Variants in KNL1 observed in about 807,000 individuals in gnomAD.
KNL1 encodes the protein outer kinetochore KNL1 complex subunit KNL1.
In KNL1, 66 loss-of-function variants were observed where a neutral mutation model predicts 201.3. The ratio of observed to expected loss-of-function variants is 0.33; its 90% CI spans 0.27 to 0.40. The LOEUF (loss-of-function observed/expected upper bound fraction) is 0.40, where lower values mean the gene tolerates loss of function less well. Ranked by LOEUF, KNL1 falls within the 10% of genes least tolerant of loss-of-function variation. KNL1 has a pLI of 1.00. For synonymous variants in KNL1, 895 were observed against 899.2 expected (o/e 1.00, Z 0.08); for missense variants, 2,815 against 2,690.5 (o/e 1.05, Z -1.02).
intron 21 of KNL1, among the ~76,000 whole-genome samples, chr15:40,654,454 A>G (rs867156613): frequency 1.3e-5 from 2 of 152,072 alleles, no homozygotes; most frequent in South Asian, 2.1e-4. Flanking sequence ...AGCCTTTACT[A>G]GATACAGAGA....
intron 9 of KNL1, among the ~76,000 whole-genome samples, chr15:40,619,479 G>A (rs572344819): frequency 1.3e-5 from 2 of 151,752 alleles, no homozygotes; most frequent in South Asian, 4.2e-4. Flanking sequence ...TTGGCTCATT[G>A]CAGCCTCAAT....
chr15:40,657,539 C>A (rs374799627), intron 24 of KNL1, 66 bp downstream of exon 24: 7 of 802,964 alleles, frequency 8.7e-6, no homozygotes, highest in Non-Finnish European at 1.3e-5. Flanking sequence ...TTAACAGGTT[C>A]TGGAGGCTGG....
chr15:40,631,692 A>G (rs184860917), intron 13 of KNL1, among the ~76,000 whole-genome samples: 1 of 152,244 alleles, frequency 6.6e-6, no homozygotes, highest in African/African-American at 2.4e-5. Flanking sequence ...AGCTAATGAA[A>G]TAGAAAACAA....
chr15:40,598,034 G>T (rs1324808150), intron 1 of KNL1, among the ~76,000 whole-genome samples: 1 of 152,050 alleles, frequency 6.6e-6, no homozygotes, highest in Non-Finnish European at 1.5e-5. Context: ...GCTGGGCGTG[G>T]TGGCAGGCGC....
chr15:40,658,034 GAGGTGGGC>G (rs2141768090), intron 24 of KNL1, among the ~76,000 whole-genome samples: 1 of 152,178 alleles, frequency 6.6e-6, no homozygotes, highest in Non-Finnish European at 1.5e-5. Context: ...TTGGGAGGCC[GAGGTGGGC>G]GAATCACAAG....
In KNL1 at chr15:40,652,102, G is replaced by A. The variant is rs1893583468; in HGVS notation, c.6412G>A (p.Val2138Ile). ...ACTCACCATCACCTTTGAAGAGTCA[G>A]TTGGTAAGGAGCCAAAGTGAGATAA... ...IQLTITFEESVVGFPFLDKRY... is the reference protein window; with the variant it reads ...IQLTITFEESIVGFPFLDKRY... Residue 2138 changes from valine (V) to isoleucine (I), a missense_variant, in exon 21 of 26, where the codon GTT becomes ATT. Coordinates refer to ENST00000399668, the MANE Select transcript of KNL1 (RefSeq NM_144508.5). The A allele has an allele frequency of 1.9e-6, 3 of 1,606,110 alleles. No individual in the cohort carries two copies. The South Asian group carries it at 3.3e-5, about 18-fold the overall frequency.
intron 8 of KNL1, among the ~76,000 whole-genome samples, chr15:40,618,556 C>A (rs549666879): frequency 1.5e-4 from 23 of 152,144 alleles, no homozygotes; most frequent in African/African-American, 5.3e-4. Context: ...TCCAAACTTT[C>A]CATCTTTAAA....
intron 1 of KNL1, among the ~76,000 whole-genome samples, chr15:40,598,588 C>CA (rs200043989): frequency 7.1e-4 from 106 of 149,704 alleles, no homozygotes; most frequent in Non-Finnish European, 6.5e-4. Flanking sequence ...TCCGGCCCCC[C>CA]AAAAAAAACA....
chr15:40,602,358 G>T (rs1178464718), intron 1 of KNL1, among the ~76,000 whole-genome samples: 1 of 143,652 alleles, frequency 7.0e-6, no homozygotes, highest in South Asian at 2.2e-4. Flanking sequence ...GGATGGTCTC[G>T]ATCTCCTGAC....
chr15:40,618,151 CT>C (rs1892405131), intron 8 of KNL1, among the ~76,000 whole-genome samples: 1 of 151,554 alleles, frequency 6.6e-6, no homozygotes, highest in South Asian at 2.1e-4. Context: ...GAATCCCTTC[CT>C]TATTTACAAA....
intron 21 of KNL1, among the ~76,000 whole-genome samples, chr15:40,654,485 C>A (rs1893660673): frequency 6.6e-6 from 1 of 151,462 alleles, no homozygotes; most frequent in African/African-American, 2.4e-5. Flanking sequence ...AAGGATAACC[C>A]TTCAACTTCC....
chr15:40,636,772 AT>A (rs1230008723), intron 13 of KNL1, among the ~76,000 whole-genome samples: 1 of 152,150 alleles, frequency 6.6e-6, no homozygotes, highest in African/African-American at 2.4e-5. Context: ...TGGAGGCTGC[AT>A]GAGCTGACAT....
intron 5 of KNL1, among the ~76,000 whole-genome samples, chr15:40,610,026 G>A (rs1173402371): frequency 1.3e-5 from 2 of 152,090 alleles, no homozygotes; most frequent in Non-Finnish European, 2.9e-5. Flanking sequence ...GCAACAAAGC[G>A]AGACCCTGTT....
At chr15:40,645,602 C>T (rs1031711996) in intron 15 of KNL1, 54 bp from the exon 16 acceptor site, 8 of 929,034 alleles carry the variant, frequency 8.6e-6, no homozygotes, top group Non-Finnish European at 1.3e-5. Flanking sequence ...AGACCATTTA[C>T]CTCTTCTGAC....
Position 40,606,389 on chromosome 15 carries a change from C to T in KNL1, c.76-4C>T, listed in dbSNP as rs926547530. On this transcript the variant is annotated splice_region_variant and splice_polypyrimidine_tract_variant and intron_variant, in intron 3 of 25. Coordinates refer to ENST00000399668, the MANE Select transcript of KNL1 (RefSeq NM_144508.5). ...TTTTTGAATAATTCTAATTGTTACC[C>T]TAGATATTGAAACCCCCAAGGAGTC... 9 of 1,539,310 alleles carry T rather than the reference C, an allele frequency of 5.8e-6. No homozygotes were observed. The highest frequency in any genetic ancestry group is 2.2e-5 in the East Asian group (1 of 44,538).
At chr15:40,596,694 C>G (rs1289690086) in intron 1 of KNL1, among the ~76,000 whole-genome samples, 4 of 151,754 alleles carry the variant, frequency 2.6e-5, no homozygotes, top group Admixed American at 2.0e-4. Context: ...TCCTGTAGTA[C>G]TTTAATAAAA....
At chr15:40,613,442 A>G (rs79099600) in intron 7 of KNL1, among the ~76,000 whole-genome samples, 12,784 of 152,158 alleles carry the variant, frequency 0.084, 551 homozygotes, top group East Asian at 0.12. Flanking sequence ...AGTATTACCT[A>G]TTACATTCTT....
At chr15:40,638,119 C>T (rs1893112065) in intron 13 of KNL1, among the ~76,000 whole-genome samples, 1 of 151,514 alleles carries the variant, frequency 6.6e-6, no homozygotes, top group Non-Finnish European at 1.5e-5. Context: ...ACCCAGGAGG[C>T]AGAGGTTACA....
chr15:40,606,751 T>C (rs1291979597), intron 4 of KNL1, among the ~76,000 whole-genome samples: 1 of 152,042 alleles, frequency 6.6e-6, no homozygotes, highest in African/African-American at 2.4e-5. Context: ...GCACATGCCA[T>C]CATACTTAGC....
Sources: gnomAD v4.1 joint callset for allele counts (sites outside exome capture counted in the v4.1 genomes callset) on GRCh38, gnomAD v4.1.1 for gene constraint, MANE v1.5 for transcripts, NCBI Gene and HGNC (gene_info 2026-07-23, HGNC 2026-07-21) for gene names.